PTK2: variants seen among roughly 807,000 people sequenced by gnomAD.
PTK2 encodes the protein protein tyrosine kinase 2, also known as focal adhesion kinase 1.
PTK2 carries 45 observed loss-of-function variants against 150.1 expected under a neutral mutation model. The observed-to-expected ratio is 0.30, with a 90% CI of 0.24 to 0.38. The LOEUF (loss-of-function observed/expected upper bound fraction) is 0.38, where lower values mean the gene tolerates loss of function less well. PTK2 is among the 10% of genes least tolerant of loss of function. The probability of loss-of-function intolerance (pLI) is 1.00; values close to 1 mark genes in which losing one functional copy is unlikely to be tolerated. For missense variants in PTK2, 919 were observed against 1,307.3 expected (o/e 0.70, Z 4.58); for synonymous variants, 432 against 449.2 (o/e 0.96, Z 0.48).
At chr8:140,809,148 C>T (rs1486131255) in intron 10 of PTK2, among the ~76,000 whole-genome samples, 1 of 151,796 alleles carries the variant, frequency 6.6e-6, no homozygotes, top group Admixed American at 6.6e-5. Context: ...CCAAAGTAAA[C>T]AAGAATACAT....
intron 17 of PTK2, among the ~76,000 whole-genome samples, chr8:140,747,467 A>G (rs191230639): frequency 9.2e-4 from 16 of 17,386 alleles, no homozygotes; most frequent in East Asian, 3.7e-3. Context: ...GAGGAGGAGG[A>G]GGAAGAGGAG....
At chr8:140,902,177 G>A (rs529296219) in intron 2 of PTK2, among the ~76,000 whole-genome samples, 24 of 152,210 alleles carry the variant, frequency 1.6e-4, no homozygotes, top group Admixed American at 9.2e-4. Flanking sequence ...GGGATTACAG[G>A]CGCACGCCAC....
At chr8:140,825,559 AT>A (rs1442127171) in intron 8 of PTK2, among the ~76,000 whole-genome samples, 15 of 152,202 alleles carry the variant, frequency 9.9e-5, no homozygotes, top group African/African-American at 3.6e-4. Flanking sequence ...ATAAATTAAA[AT>A]TTGCCTATTT....
chr8:140,833,768 T>C (rs1335573235), intron 7 of PTK2, among the ~76,000 whole-genome samples: 3 of 152,216 alleles, frequency 2.0e-5, no homozygotes, highest in Non-Finnish European at 4.4e-5. Flanking sequence ...TGTCAAAGGA[T>C]ATGTCCTAAA....
chr8:140,745,591 CT>C lies in PTK2; in HGVS notation c.1519-825del, dbSNP rs2100058254. Among the ~76,000 whole-genome samples the C allele has an allele frequency of 1.3e-5, 2 of 152,118 alleles. 1 individual carries two copies. The highest frequency in any genetic ancestry group is 4.1e-4 in the South Asian group (2 of 4,834). ...CGGCCCAGTGTTTGATTCAGCAGGC[CT>C]GGGATGGGGCACAAGAACTTGTTTA... On this transcript the variant is annotated intron_variant, in intron 18 of 31. Coordinates refer to ENST00000522684, the Ensembl canonical transcript of PTK2.
At chr8:140,801,990 G>C (rs1484118066) in intron 11 of PTK2, among the ~76,000 whole-genome samples, 2 of 151,660 alleles carry the variant, frequency 1.3e-5, no homozygotes, top group Non-Finnish European at 2.9e-5. Context: ...TAGCACATAC[G>C]ATTATGTACA....
chr8:140,911,803 C>A (rs1179905364), intron 2 of PTK2, among the ~76,000 whole-genome samples: 1 of 152,078 alleles, frequency 6.6e-6, no homozygotes, highest in East Asian at 1.9e-4. Flanking sequence ...CATTTTCCAA[C>A]TTATTTTATT....
chr8:140,769,639 G>T, intron 14 of PTK2, 47 bp from the exon 16 acceptor site: 2 of 1,296,412 alleles, frequency 1.5e-6, no homozygotes, highest in Non-Finnish European at 2.1e-6. Context: ...GGGAACAGAG[G>T]GAGGGAGACA....
chr8:140,668,578 T>C, intron 29 of PTK2, 154 bp from the exon 34 acceptor site: 1 of 830,112 alleles, frequency 1.2e-6, no homozygotes, highest in South Asian at 2.2e-5. Context: ...AGATTGAGAA[T>C]GACAGTAAAG....
chr8:140,673,276 T>C (rs2100011722), intron 29 of PTK2, among the ~76,000 whole-genome samples: 1 of 151,896 alleles, frequency 6.6e-6, no homozygotes, highest in African/African-American at 2.4e-5. Flanking sequence ...CCCAGCTAAT[T>C]TCTTTGTATT....
At chr8:140,902,935 T>TTTTG (rs2100159220) in intron 2 of PTK2, among the ~76,000 whole-genome samples, 1 of 136,922 alleles carries the variant, frequency 7.3e-6, no homozygotes, top group Non-Finnish European at 1.6e-5. Flanking sequence ...TTTTTTTTTT[T>TTTTG]TTTTTTTTTT....
chr8:140,730,184 G>C (rs1248579083), intron 22 of PTK2, among the ~76,000 whole-genome samples: 1 of 151,982 alleles, frequency 6.6e-6, no homozygotes, highest in Non-Finnish European at 1.5e-5. Context: ...GTGTTCTTTA[G>C]AACATAAAGC....
At chr8:140,686,680 T>A in exon 27 of PTK2, 1 of 1,613,496 alleles carries the variant, frequency 6.2e-7, no homozygotes, top group Non-Finnish European at 8.5e-7. Context: ...CTCGAGAGAG[T>A]CTCACATCAG....
intron 7 of PTK2, 24 bp downstream of exon 7, chr8:140,846,236 A>G: frequency 6.4e-7 from 1 of 1,558,028 alleles, no homozygotes; most frequent in Non-Finnish European, 8.8e-7. Context: ...ATTTGCAGGT[A>G]TAGATTGTAA....
At chr8:140,690,712 T>C (rs566111150) in intron 26 of PTK2, among the ~76,000 whole-genome samples, 1 of 152,356 alleles carries the variant, frequency 6.6e-6, no homozygotes, top group African/African-American at 2.4e-5. Flanking sequence ...TGTAAATGTA[T>C]GTTTACAAAC....
intron 4 of PTK2, among the ~76,000 whole-genome samples, chr8:140,877,227 T>C (rs1351456297): frequency 6.6e-6 from 1 of 151,908 alleles, no homozygotes; most frequent in Non-Finnish European, 1.5e-5. Flanking sequence ...GAGACAGGGT[T>C]TCACTCATGT....
At chr8:140,669,177 G>A (rs2094144837) in intron 29 of PTK2, 1 of 151,928 alleles carries the variant, frequency 6.6e-6, no homozygotes, top group South Asian at 2.1e-4. Context: ...GGGCACAGAA[G>A]AGACATCAAC....
intron 1 of PTK2, among the ~76,000 whole-genome samples, chr8:140,951,719 A>C (rs902524585): frequency 5.9e-5 from 9 of 151,976 alleles, no homozygotes; most frequent in Admixed American, 1.3e-4. Flanking sequence ...TCATCTCTAC[A>C]AAAAAATTTT....
intron 24 of PTK2, among the ~76,000 whole-genome samples, chr8:140,704,752 T>A (rs1254738441): frequency 6.6e-6 from 1 of 152,198 alleles, no homozygotes; most frequent in East Asian, 1.9e-4. Context: ...CCCATTGCTC[T>A]GACCCTTGTG....
Sources: allele counts gnomAD v4.1 joint callset (sites outside exome capture counted in the v4.1 genomes callset), GRCh38; gene constraint gnomAD v4.1.1; transcripts MANE v1.5; gene names NCBI Gene and HGNC (gene_info 2026-07-23, HGNC 2026-07-21).